Variants in CSK observed in about 807,000 individuals in gnomAD.
CSK encodes tyrosine-protein kinase CSK.
Under a neutral mutation model 62.3 loss-of-function variants are expected in CSK, and 7 were observed. The observed-to-expected ratio is 0.11, with a 90% CI of 0.06 to 0.21. The LOEUF (loss-of-function observed/expected upper bound fraction) is 0.21. Ranked by LOEUF, CSK falls within the 10% of genes least tolerant of loss-of-function variation. The pLI is 1.00. For missense variants in CSK, 294 were observed against 613.5 expected (o/e 0.48, Z 5.50); for synonymous variants, 237 against 246.0 (o/e 0.96, Z 0.34).
At chr15:74,799,010 G>A (rs184650368) in intron 4 of CSK, 72 bp downstream of exon 4, 7 of 1,360,880 alleles carry the variant, frequency 5.1e-6, no homozygotes, top group Non-Finnish European at 5.8e-6. Context: ...GGAGCAAGCA[G>A]GGAGGCCAGA....
rs1171308567 is a variant in CSK at position 74,802,565 on chromosome 15, C to G, written c.*52C>G. Reference sequence around the variant, plus strand: ...CCTGTGGGGACTGAACCTGGAAGATCATGGACCTGGTGCCCCTGCTCACTG... The same window carrying G: ...CCTGTGGGGACTGAACCTGGAAGATGATGGACCTGGTGCCCCTGCTCACTG... On this transcript the variant is annotated 3_prime_UTR_variant, in exon 13 of 13. Transcript: ENST00000220003. 4 of 1,587,958 alleles carry G rather than the reference C, an allele frequency of 2.5e-6. No homozygotes were observed. In the African/African-American group the frequency reaches 4.1e-5, roughly 16 times the overall value.
intron 1 of CSK, among the ~76,000 whole-genome samples, chr15:74,793,623 C>T (rs945500393): frequency 6.6e-6 from 1 of 152,216 alleles, no homozygotes; most frequent in African/African-American, 2.4e-5. Context: ...ATAATAATAG[C>T]TTCTCTGTCT....
chr15:74,791,867 T>G (rs1274075474), intron 1 of CSK, among the ~76,000 whole-genome samples: 1 of 152,216 alleles, frequency 6.6e-6, no homozygotes, highest in East Asian at 1.9e-4. Flanking sequence ...GTCACCTTGC[T>G]GGTGATGCTT....
intron 1 of CSK, among the ~76,000 whole-genome samples, chr15:74,794,566 C>T (rs1037671490): frequency 2.0e-5 from 3 of 152,136 alleles, no homozygotes; most frequent in Admixed American, 6.5e-5. Context: ...CTGGGAGGAA[C>T]GGAAGCTCTT....
Position 74,802,353 on chromosome 15 carries a change from G to T in CSK, c.1193G>T (p.Arg398Leu), listed in dbSNP as rs34616395. The T allele has an allele frequency of 1.2e-6, 2 of 1,603,002 alleles. No individual in the cohort carries two copies. Among genetic ancestry groups the T allele is most frequent in the South Asian group, 1.1e-5 (1 of 90,250 alleles). ...PRIPLKDVVP[R>L]VEKGYKMDAP... ...CAGCCCCTGAAGGACGTCGTCCCTC[G>T]GGTGGAGAAGGGCTACAAGATGGAT... Residue 398 changes from arginine to leucine, a missense_variant, in exon 13 of 13, where the codon CGG becomes CTG. By Grantham distance (102) the Arg-to-Leu change is moderately radical. Transcript: ENST00000220003.
Position 74,799,501 on chromosome 15 carries a change from G to A in CSK, c.462+10G>A. 1 of 1,610,504 alleles carries A rather than the reference G, an allele frequency of 6.2e-7. No individual in the cohort carries two copies. Among genetic ancestry groups the A allele is most frequent in the Non-Finnish European group, 8.5e-7 (1 of 1,178,928 alleles). On this transcript the variant is annotated intron_variant, in intron 5 of 12. Coordinates refer to ENST00000220003, the MANE Select transcript of CSK (RefSeq NM_004383.3). ...CATGCAGCTGGTGGAGGTGAGCTGG[G>A]GGGTACAGAGCCTTGCTCCCACCCT...
chr15:74,795,764 A>G (rs534630239), intron 1 of CSK, among the ~76,000 whole-genome samples: 36 of 152,306 alleles, frequency 2.4e-4, no homozygotes, highest in African/African-American at 7.5e-4. Context: ...CCTGCAGTCA[A>G]AAAATCATAT....
At position 74,801,551 on chromosome 15, in the gene CSK, G is replaced by C; in HGVS notation, c.843G>C (p.Arg281Ser). 1 of 1,613,860 alleles carries C rather than the reference G, an allele frequency of 6.2e-7. No individual in the cohort carries two copies. The highest frequency in any genetic ancestry group is 8.5e-7 in the Non-Finnish European group (1 of 1,179,864). The change falls in exon 10 of 13, where the codon AGG (arginine) becomes AGC (serine). Residue 281 changes from arginine to serine, a missense_variant. Coordinates refer to ENST00000220003, the MANE Select transcript of CSK (RefSeq NM_004383.3). ...KGSLVDYLRS[R>S]GRSVLGGDCL... ...GCCTTGTGGACTACCTGCGGTCTAG[G>C]GGTCGGTCAGTGCTGGGCGGAGACT...
chr15:74,796,897 C>CT (rs1654064218), intron 1 of CSK, among the ~76,000 whole-genome samples: 1 of 152,148 alleles, frequency 6.6e-6, no homozygotes, highest in African/African-American at 2.4e-5. Flanking sequence ...ATAATATGTA[C>CT]TTTCCTGTGT....
intron 9 of CSK, 45 bp downstream of exon 9, chr15:74,801,147 C>T (rs777666651): frequency 6.8e-6 from 11 of 1,606,114 alleles, no homozygotes; most frequent in Middle Eastern, 1.6e-4. Flanking sequence ...CCAACTGCCC[C>T]GAAACCCCCA....
At position 74,802,529 on chromosome 15, in the gene CSK, T is replaced by G. The variant is rs1199814517; in HGVS notation, c.*16T>G. 6.2e-7 allele frequency: 1 copy of G among 1,611,008 alleles called. No individual in the cohort carries two copies. Among genetic ancestry groups the G allele is most frequent in the Non-Finnish European group, 8.5e-7 (1 of 1,179,380 alleles). On this transcript the variant is annotated 3_prime_UTR_variant, in exon 13 of 13. Transcript: ENST00000220003. ...GCACCTGTGACGGCTGGCCTCCGCC[T>G]GGGTCATGGGCCTGTGGGGACTGAA...
At chr15:74,793,565 G>A (rs931180797) in intron 1 of CSK, among the ~76,000 whole-genome samples, 3 of 152,176 alleles carry the variant, frequency 2.0e-5, no homozygotes, top group Non-Finnish European at 2.9e-5. Flanking sequence ...AGGGACCCCC[G>A]CCTTGCCCCT....
intron 1 of CSK, among the ~76,000 whole-genome samples, chr15:74,787,973 G>A (rs1368598432): frequency 6.6e-6 from 1 of 152,210 alleles, no homozygotes; most frequent in Non-Finnish European, 1.5e-5. Flanking sequence ...TAGAGGAGAC[G>A]AGGAGTCAGT....
At position 74,798,419 on chromosome 15, in the gene CSK, T is replaced by C; in HGVS notation, c.15+107T>C. 2.8e-6 allele frequency: 4 copies of C among 1,436,338 alleles called. No homozygotes were observed. Among genetic ancestry groups the C allele is most frequent in the African/African-American group, 1.4e-5 (1 of 70,764 alleles). 89.0% of individuals were successfully genotyped at this position (1,436,338 alleles called of 1,614,324 possible). On this transcript the variant is annotated intron_variant, in intron 2 of 12. Transcript: ENST00000220003. This position sits in a 1 kb window ranked among gnomAD's most constrained non-coding sequence, Gnocchi z 6.6. ...GCTTAGATCAACCCACTCCCCTTTT[T>C]CCCAGCACTCAGTCAGGTACAGGCC...
chr15:74,793,759 G>A (rs1596369965), intron 1 of CSK, among the ~76,000 whole-genome samples: 3 of 152,134 alleles, frequency 2.0e-5, no homozygotes, highest in East Asian at 1.9e-4. Context: ...GGGAGGCGGC[G>A]GTGGCAGTAG....
Position 74,798,182 on chromosome 15 carries a change from TG to T in CSK, c.-65-45del, listed in dbSNP as rs905038917. 6 of 1,162,936 alleles carry T rather than the reference TG, an allele frequency of 5.2e-6. No homozygotes were observed. The African/African-American group carries it at 6.2e-5, about 12-fold the overall frequency. 72.0% of individuals were successfully genotyped at this position (1,162,936 alleles called of 1,614,324 possible). A position where few individuals can be genotyped will look rare whatever the true frequency, so the allele number is the denominator to read the frequency against. ...CAGTGAGGAGCCAGATCTCAGCAGTTGGGGGGCATTTCTTCACACCCCTCCT... is the reference window on the plus strand; with the variant it reads ...CAGTGAGGAGCCAGATCTCAGCAGTTGGGGGCATTTCTTCACACCCCTCCT... On this transcript the variant is annotated intron_variant, in intron 1 of 12. Coordinates refer to ENST00000220003, the MANE Select transcript of CSK (RefSeq NM_004383.3). This position sits in a 1 kb window ranked among gnomAD's most constrained non-coding sequence, Gnocchi z 6.6.
rs1257140267 is a variant in CSK, at chr15:74,782,219, C to T, written c.-567C>T. 6.7e-6 allele frequency: 1 copy of T among 149,122 alleles called. No individual in the cohort carries two copies. The highest frequency in any genetic ancestry group is 2.4e-5 in the African/African-American group (1 of 41,044). 9.2% of individuals were successfully genotyped at this position (149,122 alleles called of 1,614,324 possible). ...GCCCCACCCGCGCCTTGCCCGGGGG[C>T]TTCTGCCGGGGTGGGGTCCGAGCCG... is the stretch of plus-strand genomic sequence containing the variant. On this transcript the variant is annotated 5_prime_UTR_variant, in exon 1 of 13. Transcript: ENST00000220003. This position sits in a 1 kb window ranked among gnomAD's most constrained non-coding sequence, Gnocchi z 5.7.
chr15:74,800,379 GTC>G (rs750663433), intron 5 of CSK, 31 bp from the exon 6 acceptor site: 5 of 1,602,456 alleles, frequency 3.1e-6, no homozygotes, highest in South Asian at 1.1e-5. Flanking sequence ...ACCTTGGGCT[GTC>G]TCTGAGCACC....
intron 1 of CSK, chr15:74,790,928 A>G (rs368302778): frequency 2.0e-5 from 3 of 152,274 alleles, no homozygotes; most frequent in African/African-American, 4.8e-5. Flanking sequence ...TGGGGACCCA[A>G]GGAATTCTCC....
Sources: gnomAD v4.1 joint callset for allele counts (sites outside exome capture counted in the v4.1 genomes callset) on GRCh38, gnomAD v4.1.1 for gene constraint, Gnocchi (gnomAD v3.1) non-coding constraint, MANE v1.5 for transcripts, NCBI Gene and HGNC (gene_info 2026-07-23, HGNC 2026-07-21) for gene names.